SPAG9: variants seen among roughly 807,000 people sequenced by gnomAD.
SPAG9 encodes C-Jun-amino-terminal kinase-interacting protein 4.
Under a neutral mutation model 166.5 loss-of-function variants are expected in SPAG9, and 35 were observed. The ratio of observed to expected loss-of-function variants is 0.21; its 90% CI spans 0.16 to 0.28. SPAG9 has a LOEUF of 0.28. SPAG9 is among the 10% of genes least tolerant of loss of function. The probability of loss-of-function intolerance (pLI) is 1.00; values close to 1 mark genes in which losing one functional copy is unlikely to be tolerated. For synonymous variants in SPAG9, 534 were observed against 565.5 expected (o/e 0.94, Z 0.79); for missense variants, 1,235 against 1,603.3 (o/e 0.77, Z 3.92).
intron 5 of SPAG9, among the ~76,000 whole-genome samples, chr17:51,037,687 T>TATATATATATATA (rs1568028331): frequency 3.2e-4 from 24 of 74,166 alleles, no homozygotes; most frequent in African/African-American, 1.1e-3. Context: ...ATATATATAG[T>TATATATATATATA]GTGTGTGTGT....
At chr17:50,981,531 A>AGATAGAT (rs1567959559) in intron 25 of SPAG9, among the ~76,000 whole-genome samples, 72 of 128,698 alleles carry the variant, frequency 5.6e-4, no homozygotes, top group Admixed American at 1.0e-3. Flanking sequence ...GATAGATAGA[A>AGATAGAT]AGAAAGAAAG....
At chr17:51,032,296 G>A (rs978925174) in intron 5 of SPAG9, among the ~76,000 whole-genome samples, 1 of 151,964 alleles carries the variant, frequency 6.6e-6, no homozygotes, top group African/African-American at 2.4e-5. Flanking sequence ...CCAAGTAGCT[G>A]GGACTACAAG....
chr17:51,079,573 G>A lies in SPAG9; in HGVS notation c.424+11C>T. On this transcript the variant is annotated intron_variant, in intron 2 of 29. Transcript: ENST00000262013. Reference sequence around the variant, plus strand: ...CTTTAGTGTACTTATGAGAAGAAATGTTTTACTTACTCTGGTCAGCATAGT... The same window carrying A: ...CTTTAGTGTACTTATGAGAAGAAATATTTTACTTACTCTGGTCAGCATAGT... The A allele has an allele frequency of 6.2e-7, 1 of 1,611,330 alleles. No individual in the cohort carries two copies. The highest frequency in any genetic ancestry group is 8.5e-7 in the Non-Finnish European group (1 of 1,179,148).
chr17:51,029,485 G>A (rs1437400121), intron 6 of SPAG9, among the ~76,000 whole-genome samples: 1 of 152,030 alleles, frequency 6.6e-6, no homozygotes, highest in Non-Finnish European at 1.5e-5. Flanking sequence ...AGCATTATTC[G>A]TAACAGCCAT....
At chr17:51,050,940 A>G (rs924671579) in intron 3 of SPAG9, among the ~76,000 whole-genome samples, 1 of 151,868 alleles carries the variant, frequency 6.6e-6, no homozygotes, top group Non-Finnish European at 1.5e-5. Flanking sequence ...GAGAGAGAGA[A>G]AAAGAGAGGA....
chr17:51,032,246 C>G (rs1388776949), intron 5 of SPAG9, among the ~76,000 whole-genome samples: 1 of 152,138 alleles, frequency 6.6e-6, no homozygotes, highest in Non-Finnish European at 1.5e-5. Context: ...GCTGCAGCCT[C>G]AACTTCGCAG....
chr17:51,118,188 G>C (rs1274087547), intron 1 of SPAG9, among the ~76,000 whole-genome samples: 2 of 151,864 alleles, frequency 1.3e-5, no homozygotes, highest in East Asian at 3.8e-4. Flanking sequence ...TTATGTTTGT[G>C]GCCTGGGAGT....
intron 2 of SPAG9, among the ~76,000 whole-genome samples, chr17:51,073,144 G>A (rs1043050099): frequency 6.6e-6 from 1 of 152,128 alleles, no homozygotes; most frequent in African/African-American, 2.4e-5. Flanking sequence ...TGGCTAACAC[G>A]GTGAAACCCC....
chr17:50,980,337 C>T (rs943769870), intron 25 of SPAG9, among the ~76,000 whole-genome samples: 7 of 151,870 alleles, frequency 4.6e-5, no homozygotes, highest in Admixed American at 6.6e-5. Context: ...TCCTGAGTAG[C>T]GGGATTATAG....
chr17:51,062,618 T>G (rs1052060615), intron 2 of SPAG9, among the ~76,000 whole-genome samples: 3 of 152,104 alleles, frequency 2.0e-5, no homozygotes, highest in Non-Finnish European at 4.4e-5. Context: ...TGAGACAGAG[T>G]CTTGCTCTTT....
chr17:50,975,769 G>C, intron 27 of SPAG9: 1 of 939,000 alleles, frequency 1.1e-6, no homozygotes, highest in African/African-American at 1.6e-5. Context: ...TAACATTTAG[G>C]AACATTCAAG....
At chr17:50,970,916 T>G in intron 28 of SPAG9, 60 bp from the exon 29 acceptor site, 2 of 1,450,904 alleles carry the variant, frequency 1.4e-6, no homozygotes, top group Non-Finnish European at 9.4e-7. Flanking sequence ...CTGTTTTGTT[T>G]TTTTTTTTTA....
rs1182711036 is a variant in SPAG9 at position 51,014,260 on chromosome 17, T to C, written c.1185A>G (p.Gly395=). The part of the protein sequence containing the change: ...ELSSAGSGLI[G]DVDEGADLLG... ...GTAAATCTGCTCCTTCATCCACATC[T>C]CCTATTAGGCCTGAGCCAGCTGAAG... The change falls in exon 9 of 30, where the codon GGA becomes GGG. Residue 395 remains glycine, a synonymous_variant. Transcript: ENST00000262013. The C allele has an allele frequency of 6.2e-7, 1 of 1,613,034 alleles. No individual in the cohort carries two copies. Among genetic ancestry groups the C allele is most frequent in the Non-Finnish European group, 8.5e-7 (1 of 1,179,342 alleles).
chr17:50,967,314 C>T (rs573114413), intron 29 of SPAG9, among the ~76,000 whole-genome samples: 7 of 152,298 alleles, frequency 4.6e-5, no homozygotes, highest in African/African-American at 1.7e-4. Context: ...TTCCACTGAT[C>T]TAACAGAATT....
chr17:51,014,699 A>G (rs2045627636), intron 8 of SPAG9: 1 of 175,752 alleles, frequency 5.7e-6, no homozygotes, highest in Non-Finnish European at 1.2e-5. Context: ...TGGTTAGAGT[A>G]GCATTTCTCA....
intron 3 of SPAG9, 54 bp downstream of exon 3, chr17:51,056,358 G>T: frequency 2.1e-6 from 2 of 975,458 alleles, no homozygotes; most frequent in Middle Eastern, 2.1e-4. Context: ...TATTTTCTAA[G>T]GTTCATTTCT....
Position 50,982,472 on chromosome 17 carries a change from C to T in SPAG9, c.3237+52G>A, listed in dbSNP as rs943781710. The T allele has an allele frequency of 1.3e-4, 202 of 1,524,126 alleles. 1 individual carries two copies. Among genetic ancestry groups the T allele is most frequent in the Middle Eastern group, 1.7e-4 (1 of 5,784 alleles). 94.4% of individuals were successfully genotyped at this position (1,524,126 alleles called of 1,614,324 possible). On this transcript the variant is annotated intron_variant, in intron 25 of 29. Coordinates refer to ENST00000262013, the MANE Select transcript of SPAG9 (RefSeq NM_001130528.3). ...CTGAAAATAATTATAGTCTAATAGT[C>T]TTCGGATAATACAAATTCAATAAAT...
chr17:51,006,133 T>A lies in SPAG9; in HGVS notation c.1376A>T (p.Lys459Ile). Residue 459 changes from lysine (K) to isoleucine (I), a missense_variant, in exon 11 of 30, where the codon AAA (lysine) becomes ATA (isoleucine). Lys to Ile is a moderately radical substitution (Grantham distance 102). Transcript: ENST00000262013. ...TCTGTTCTTTTCCTCTAGTTTCAGTTTGGCTTGCTTCACAGCCTCCAATTC... is the reference window on the plus strand; with the variant it reads ...TCTGTTCTTTTCCTCTAGTTTCAGTATGGCTTGCTTCACAGCCTCCAATTC... ...QGELEAVKQA[K>I]LKLEEKNREL... 2 of 1,614,244 alleles carry A rather than the reference T, an allele frequency of 1.2e-6. No homozygotes were observed. The highest frequency in any genetic ancestry group is 1.7e-6 in the Non-Finnish European group (2 of 1,180,036).
At chr17:51,063,801 G>A (rs1335698161) in intron 2 of SPAG9, among the ~76,000 whole-genome samples, 2 of 152,100 alleles carry the variant, frequency 1.3e-5, no homozygotes, top group African/African-American at 4.8e-5. Context: ...AGAACTGCTT[G>A]AACCTGGGAG....
Sources: allele counts gnomAD v4.1 joint callset (sites outside exome capture counted in the v4.1 genomes callset), GRCh38; gene constraint gnomAD v4.1.1; transcripts MANE v1.5; gene names NCBI Gene and HGNC (gene_info 2026-07-23, HGNC 2026-07-21).